Variants in CFAP299 observed in about 807,000 individuals in gnomAD.
The protein encoded by CFAP299 is cilia and flagella associated protein 299.
CFAP299 carries 21 observed loss-of-function variants against 27.0 expected under a neutral mutation model. That is an observed-to-expected ratio of 0.78 (90% CI 0.55 to 1.12). The LOEUF is 1.12. Ranked by LOEUF, CFAP299 falls within the 50% of genes most tolerant of loss-of-function variation. The pLI is 0.00. For missense variants in CFAP299, 310 were observed against 276.6 expected (o/e 1.12, Z -0.86); for synonymous variants, 104 against 98.1 (o/e 1.06, Z -0.36).
intron 2 of CFAP299, among the ~76,000 whole-genome samples, chr4:80,532,525 A>G (rs1259800579): frequency 6.6e-6 from 1 of 152,216 alleles, no homozygotes; most frequent in African/African-American, 2.4e-5. Flanking sequence ...TTTAATCATT[A>G]TGTGGCCTTG....
In CFAP299 at chr4:80,963,708, G is replaced by A; in HGVS notation, c.*96G>A. On this transcript the variant is annotated 3_prime_UTR_variant, in exon 6 of 6. Coordinates refer to ENST00000358105, the MANE Select transcript of CFAP299 (RefSeq NM_152770.3). Reference sequence around the variant, plus strand: ...AATAAATGAGCCCTGTAGCTGGAAGGCAAATTAGAACAATAAAGTTAATAA... The same window carrying A: ...AATAAATGAGCCCTGTAGCTGGAAGACAAATTAGAACAATAAAGTTAATAA... 1 of 716,456 alleles carries A rather than the reference G, an allele frequency of 1.4e-6. No individual in the cohort carries two copies. Among genetic ancestry groups the A allele is most frequent in the Non-Finnish European group, 2.3e-6 (1 of 430,892 alleles). 44.4% of individuals were successfully genotyped at this position (716,456 alleles called of 1,614,324 possible).
At chr4:80,759,776 G>C (rs76998475) in intron 3 of CFAP299, among the ~76,000 whole-genome samples, 2 of 152,046 alleles carry the variant, frequency 1.3e-5, no homozygotes, top group East Asian at 3.8e-4. Flanking sequence ...ATGACTTTAC[G>C]TAACTTTTAC....
chr4:80,606,483 C>A lies in CFAP299; in HGVS notation c.333+23300C>A, dbSNP rs576966132. Among the ~76,000 whole-genome samples the A allele has an allele frequency of 2.0e-5, 3 of 152,192 alleles. No individual in the cohort carries two copies. The East Asian group carries it at 5.8e-4, about 29-fold the overall frequency. Reference sequence around the variant, plus strand: ...CTGGGAAGCAGAGGTTGCAGTGTGCCAAGACCCTGCCATTGCACTCCAGCC... The same window carrying A: ...CTGGGAAGCAGAGGTTGCAGTGTGCAAAGACCCTGCCATTGCACTCCAGCC... On this transcript the variant is annotated intron_variant, in intron 3 of 5. Coordinates refer to ENST00000358105, the MANE Select transcript of CFAP299 (RefSeq NM_152770.3).
upstream of CFAP299, among the ~76,000 whole-genome samples, chr4:80,333,406 A>G (rs1202100214): frequency 1.3e-5 from 2 of 152,180 alleles, no homozygotes; most frequent in Non-Finnish European, 2.9e-5. Flanking sequence ...GAGTAAGTAT[A>G]TGTTTTTTTC....
At chr4:80,410,084 T>G (rs1205206754) in intron 2 of CFAP299, among the ~76,000 whole-genome samples, 1 of 152,204 alleles carries the variant, frequency 6.6e-6, no homozygotes, top group Non-Finnish European at 1.5e-5. Context: ...AAGGGATGAT[T>G]TAACTGTCTT....
intron 3 of CFAP299, among the ~76,000 whole-genome samples, chr4:80,851,227 G>A (rs1731504636): frequency 6.6e-6 from 1 of 152,082 alleles, no homozygotes; most frequent in Non-Finnish European, 1.5e-5. Context: ...TCTATATAAA[G>A]AGGATCCAGT....
rs577675039 is a variant in CFAP299 at position 80,614,566 on chromosome 4, G to A, written c.333+31383G>A. ...GCATGTGCGGCGGGTGTAGTCAGAG[G>A]CCTGCCTGCCTCCTAAAAGGTTGGG... On this transcript the variant is annotated intron_variant, in intron 3 of 5. Transcript: ENST00000358105. Among the ~76,000 whole-genome samples, 86 of 152,298 alleles carry A rather than the reference G, an allele frequency of 5.6e-4. 1 individual carries two copies. Among genetic ancestry groups the A allele is most frequent in the African/African-American group, 1.9e-3 (79 of 41,546 alleles).
intron 3 of CFAP299, among the ~76,000 whole-genome samples, chr4:80,692,283 G>C (rs1468679871): frequency 6.6e-6 from 1 of 152,124 alleles, no homozygotes; most frequent in Non-Finnish European, 1.5e-5. Context: ...CACACTACCT[G>C]ACTTCAAACT....
At chr4:80,753,147 C>T (rs1002607544) in intron 3 of CFAP299, among the ~76,000 whole-genome samples, 25 of 151,884 alleles carry the variant, frequency 1.6e-4, no homozygotes, top group African/African-American at 4.6e-4. Flanking sequence ...GCTTTAAGAA[C>T]TTTTAAAAAT....
At chr4:80,818,007 C>A (rs1729512711) in intron 3 of CFAP299, among the ~76,000 whole-genome samples, 1 of 152,086 alleles carries the variant, frequency 6.6e-6, no homozygotes, top group Non-Finnish European at 1.5e-5. Context: ...CAACCCCCTG[C>A]CTCCGATAAG....
intron 3 of CFAP299, among the ~76,000 whole-genome samples, chr4:80,653,579 G>A (rs548093522): frequency 1.6e-3 from 248 of 151,756 alleles, no homozygotes; most frequent in South Asian, 4.8e-3. Flanking sequence ...TACCTCAGAG[G>A]GACAGAAAGA....
At position 80,390,643 on chromosome 4, in the gene CFAP299, ATG is replaced by A. The variant is rs1725328882; in HGVS notation, c.242+27761_242+27762del. ...TATATGTATATATGTATACACATAT[ATG>A]TATGTACACACATATGTATATATGT... On this transcript the variant is annotated intron_variant, in intron 2 of 5. Transcript: ENST00000358105. Among the ~76,000 whole-genome samples, 2 of 144,822 alleles carry A rather than the reference ATG, an allele frequency of 1.4e-5. 1 individual carries two copies. Among genetic ancestry groups the A allele is most frequent in the Admixed American group, 1.4e-4 (2 of 14,160 alleles).
At chr4:80,385,946 G>A (rs1157199512) in intron 2 of CFAP299, among the ~76,000 whole-genome samples, 3 of 152,218 alleles carry the variant, frequency 2.0e-5, no homozygotes, top group South Asian at 4.1e-4. Context: ...GGCTCTGCCC[G>A]GAAACCGTGG....
At chr4:80,865,420 A>G (rs764383912) in intron 3 of CFAP299, among the ~76,000 whole-genome samples, 2 of 152,178 alleles carry the variant, frequency 1.3e-5, no homozygotes, top group African/African-American at 4.8e-5. Context: ...CTTGACAACT[A>G]TTAATATCTG....
chr4:80,793,178 G>T (rs774067168), intron 3 of CFAP299, among the ~76,000 whole-genome samples: 2 of 151,490 alleles, frequency 1.3e-5, no homozygotes, highest in Non-Finnish European at 2.9e-5. Flanking sequence ...TCCCACAATA[G>T]GCTGTCTGCA....
At chr4:80,847,236 A>G (rs1731233788) in intron 3 of CFAP299, among the ~76,000 whole-genome samples, 1 of 152,170 alleles carries the variant, frequency 6.6e-6, no homozygotes, top group Non-Finnish European at 1.5e-5. Context: ...ATTAAAGTAC[A>G]TGCATGAGAC....
intron 3 of CFAP299, among the ~76,000 whole-genome samples, chr4:80,678,508 A>G (rs1422860516): frequency 1.3e-5 from 2 of 152,060 alleles, no homozygotes; most frequent in East Asian, 3.8e-4. Context: ...ATTATGTGCT[A>G]TTATTAACTC....
At chr4:80,844,457 G>C (rs192331133) in intron 3 of CFAP299, among the ~76,000 whole-genome samples, 5,420 of 152,264 alleles carry the variant, frequency 0.036, 200 homozygotes, top group African/African-American at 0.099. Context: ...TAACTGGTGT[G>C]AGATGGTATC....
At chr4:80,369,653 G>A (rs1437724446) in intron 2 of CFAP299, among the ~76,000 whole-genome samples, 1 of 152,228 alleles carries the variant, frequency 6.6e-6, no homozygotes, top group Non-Finnish European at 1.5e-5. Flanking sequence ...TACTCTACAA[G>A]ATCATGTCTC....
Sources: gnomAD v4.1 joint callset for allele counts (sites outside exome capture counted in the v4.1 genomes callset) on GRCh38, gnomAD v4.1.1 for gene constraint, MANE v1.5 for transcripts, NCBI Gene and HGNC (gene_info 2026-07-23, HGNC 2026-07-21) for gene names.